Variants in NFX1 observed in about 807,000 individuals in gnomAD.
The protein encoded by NFX1 is nuclear transcription factor, X-box binding 1.
A neutral mutation model predicts 137.2 loss-of-function variants in NFX1; 69 were observed. The ratio of observed to expected loss-of-function variants is 0.50; its 90% confidence interval spans 0.41 to 0.61. NFX1 has a LOEUF of 0.61. NFX1 is among the 20% of genes least tolerant of loss of function. NFX1 has a pLI of 0.00. For missense variants in NFX1, 1,167 were observed against 1,391.0 expected (o/e 0.84, Z 2.56); for synonymous variants, 495 against 474.1 (o/e 1.04, Z -0.57).
At chr9:33,344,607 C>A (rs1823345719) in intron 14 of NFX1, among the ~76,000 whole-genome samples, 1 of 152,152 alleles carries the variant, frequency 6.6e-6, no homozygotes, top group Non-Finnish European at 1.5e-5. Context: ...TGGCTCATGC[C>A]TGTAATCCCA....
intron 14 of NFX1, among the ~76,000 whole-genome samples, chr9:33,346,245 A>G (rs957673623): frequency 1.1e-4 from 16 of 152,154 alleles, no homozygotes; most frequent in Non-Finnish European, 1.9e-4. Flanking sequence ...TGAATTCCAA[A>G]TGCTGCTGGG....
At chr9:33,344,262 T>C in intron 14 of NFX1, 74 bp downstream of exon 14, 2 of 1,590,910 alleles carry the variant, frequency 1.3e-6, no homozygotes, top group East Asian at 4.5e-5. Context: ...GTTACTGTCT[T>C]CACTGCTCTA....
chr9:33,293,842 C>T (rs1821247427), intron 1 of NFX1, among the ~76,000 whole-genome samples: 1 of 152,156 alleles, frequency 6.6e-6, no homozygotes, highest in Non-Finnish European at 1.5e-5. Flanking sequence ...AAAACTAATA[C>T]ACTTATTAAG....
At position 33,295,291 on chromosome 9, in the gene NFX1, C is replaced by T; in HGVS notation, c.897C>T (p.Asn299=). The T allele has an allele frequency of 1.2e-6, 2 of 1,614,126 alleles. No homozygotes were observed. The highest frequency in any genetic ancestry group is 1.1e-5 in the South Asian group (1 of 91,078). Residue 299 remains asparagine, a synonymous_variant, in exon 2 of 24, where the codon AAC becomes AAT. Transcript: ENST00000379540. ...RPAKSTCDSE[N]LAVINKSSRR... ...CAAAATCTACCTGTGACAGTGAGAA[C>T]TTGGCAGTCATCAACAAGTCTTCCA...
At chr9:33,298,982 A>G (rs1821456992) in intron 2 of NFX1, among the ~76,000 whole-genome samples, 1 of 152,210 alleles carries the variant, frequency 6.6e-6, no homozygotes, top group African/African-American at 2.4e-5. Flanking sequence ...ACTTAAAAGA[A>G]TGGAATTGGC....
intron 7 of NFX1, among the ~76,000 whole-genome samples, 188 bp downstream of exon 7, chr9:33,313,981 A>G (rs1202329018): frequency 4.6e-5 from 7 of 151,926 alleles, no homozygotes; most frequent in Admixed American, 1.3e-4. Context: ...TCATTGTCCT[A>G]TATAATTTTT....
At chr9:33,348,404 C>G (rs562238556) in intron 15 of NFX1, 1 of 151,840 alleles carries the variant, frequency 6.6e-6, no homozygotes, top group African/African-American at 2.4e-5. Flanking sequence ...GTACACTCCT[C>G]GGGTGATGGG....
Position 33,331,776 on chromosome 9 carries a change from T to A in NFX1, c.2005-696T>A, listed in dbSNP as rs370786663. Among the ~76,000 whole-genome samples the A allele has an allele frequency of 2.6e-5, 4 of 151,714 alleles. No homozygotes were observed. In the East Asian group the frequency reaches 7.8e-4, roughly 29 times the overall value. ...TCTCATTTCTGAGTACATGGCAACC[T>A]GTAAATGACATCAAAGCCAAAATCA... On this transcript the variant is annotated intron_variant, in intron 10 of 23. Transcript: ENST00000379540.
At chr9:33,332,701 C>T (rs953194833) in intron 11 of NFX1, 199 bp downstream of exon 11, 2 of 503,550 alleles carry the variant, frequency 4.0e-6, no homozygotes, top group Admixed American at 6.6e-5. Context: ...AAGCTAAGTG[C>T]ACTCATGTCT....
chr9:33,307,312 G>A lies in NFX1; in HGVS notation c.1376+13G>A. 1 of 1,594,824 alleles carries A rather than the reference G, an allele frequency of 6.3e-7. No individual in the cohort carries two copies. Among genetic ancestry groups the A allele is most frequent in the Non-Finnish European group, 8.6e-7 (1 of 1,162,658 alleles). ...ATTCCTGTAACCTGTAAGTTGGAAT[G>A]CTAATTCCGTTGGGATTGCTGGTGG... is the stretch of plus-strand genomic sequence containing the variant. On this transcript the variant is annotated intron_variant, in intron 5 of 23. Coordinates refer to ENST00000379540, the MANE Select transcript of NFX1 (RefSeq NM_002504.6).
chr9:33,305,265 A>G (rs780328531), intron 4 of NFX1, among the ~76,000 whole-genome samples: 3 of 152,250 alleles, frequency 2.0e-5, no homozygotes, highest in Non-Finnish European at 2.9e-5. Flanking sequence ...GATGATTAAG[A>G]GAAGCCTTCT....
intron 15 of NFX1, among the ~76,000 whole-genome samples, chr9:33,350,657 C>T (rs1014504411): frequency 6.6e-6 from 1 of 152,174 alleles, no homozygotes; most frequent in Admixed American, 6.5e-5. Flanking sequence ...CTTTGAAAAT[C>T]AAACTGATTT....
At position 33,290,615 on chromosome 9, in the gene NFX1, G is replaced by A. The variant is rs370859788; in HGVS notation, c.25+18G>A. On this transcript the variant is annotated intron_variant, in intron 1 of 23. Coordinates refer to ENST00000379540, the MANE Select transcript of NFX1 (RefSeq NM_002504.6). ...TGTCTCAGGTATTGTCCCGGCCCGA[G>A]CGGGACTGGGCCCCTTTCAGGGAGC... 94 of 1,605,380 alleles carry A rather than the reference G, an allele frequency of 5.9e-5. No homozygotes were observed. The highest frequency in any genetic ancestry group is 7.8e-5 in the Non-Finnish European group (92 of 1,177,598).
chr9:33,324,798 G>A (rs1217262625), intron 9 of NFX1, among the ~76,000 whole-genome samples: 1 of 151,074 alleles, frequency 6.6e-6, no homozygotes, highest in Non-Finnish European at 1.5e-5. Context: ...GTGTGGTGGC[G>A]GGCACCTGTA....
chr9:33,314,106 C>T (rs1428748685), intron 7 of NFX1, among the ~76,000 whole-genome samples: 2 of 151,978 alleles, frequency 1.3e-5, no homozygotes, highest in African/African-American at 4.8e-5. Flanking sequence ...GTCTCAGCCT[C>T]CCGAGTAGCT....
chr9:33,294,838 G>A lies in NFX1; in HGVS notation c.444G>A (p.Glu148=), dbSNP rs1309967391. ...CAGAGAGTGGGACAGACCTCAGAGA[G>A]CATAGTCCTTCTGAGAGTGAGAAGG... The part of the protein sequence containing the change: ...TRSESGTDLR[E]HSPSESEKEV... The change falls in exon 2 of 24, where the codon GAG becomes GAA. Residue 148 remains glutamate, a synonymous_variant. Transcript: ENST00000379540. 6.2e-7 allele frequency: 1 copy of A among 1,614,142 alleles called. No homozygotes were observed.
intron 21 of NFX1, chr9:33,365,611 TAAA>T (rs1824146263): frequency 6.6e-6 from 1 of 151,876 alleles, no homozygotes; most frequent in African/African-American, 2.4e-5. Flanking sequence ...CCTGTCTCAA[TAAA>T]AAAGAAAGAA....
chr9:33,311,463 C>T (rs1344617271), intron 6 of NFX1, among the ~76,000 whole-genome samples: 1 of 152,092 alleles, frequency 6.6e-6, no homozygotes, highest in Non-Finnish European at 1.5e-5. Flanking sequence ...GCCCATGACC[C>T]TATTTTGTAA....
chr9:33,294,553 C>T lies in NFX1; in HGVS notation c.159C>T (p.Pro53=), dbSNP rs777391776. 2.5e-6 allele frequency: 4 copies of T among 1,614,212 alleles called. No individual in the cohort carries two copies. The Admixed American group carries it at 5.0e-5, about 20-fold the overall frequency. Residue 53 remains proline, a synonymous_variant, in exon 2 of 24, where the codon CCC becomes CCT. Coordinates refer to ENST00000379540, the MANE Select transcript of NFX1 (RefSeq NM_002504.6). The stretch of plus-strand genomic sequence containing the variant: ...GAAGAAATTACAGTTCACCACCTCC[C>T]TGTCACCTTTCCAGGCAGGTCCCTT... ...IGRRNYSSPP[P]CHLSRQVPYD... is the part of the protein sequence containing the mutation.
Sources: allele counts gnomAD v4.1 joint callset (sites outside exome capture counted in the v4.1 genomes callset), GRCh38; gene constraint gnomAD v4.1.1; transcripts MANE v1.5; gene names NCBI Gene and HGNC (gene_info 2026-07-23, HGNC 2026-07-21).